NOP58: variants seen among roughly 807,000 people sequenced by gnomAD.
The protein encoded by NOP58 is nucleolar protein 58.
Under a neutral mutation model 71.2 loss-of-function variants are expected in NOP58, and 44 were observed. The observed-to-expected ratio is 0.62, with a 90% CI of 0.49 to 0.79. The LOEUF (loss-of-function observed/expected upper bound fraction) is 0.79. Among genes scored for constraint, NOP58 ranks in the 30% least tolerant of loss-of-function variants. The probability of loss-of-function intolerance (pLI) is 0.00; values close to 1 mark genes in which losing one functional copy is unlikely to be tolerated. For missense variants in NOP58, 538 were observed against 620.2 expected (o/e 0.87, Z 1.41); for synonymous variants, 228 against 200.3 (o/e 1.14, Z -1.17).
chr2:202,284,314 T>C (rs532780344), intron 4 of NOP58, 31 bp from the exon 5 acceptor site: 2 of 1,474,204 alleles, frequency 1.4e-6, no homozygotes, highest in Admixed American at 2.3e-5. Context: ...TTTTTTTTTT[T>C]AATTTAATAT....
intron 3 of NOP58, among the ~76,000 whole-genome samples, chr2:202,279,604 G>A (rs921612012): frequency 1.1e-4 from 17 of 152,168 alleles, no homozygotes; most frequent in Non-Finnish European, 1.5e-5. Context: ...AGATCAGCCT[G>A]GCCAACATGG....
rs1331090263 is a variant in NOP58, at chr2:202,297,420, T to C, written c.1113T>C (p.Arg371=). 6.2e-7 allele frequency: 1 copy of C among 1,613,932 alleles called. No homozygotes were observed. The highest frequency in any genetic ancestry group is 8.5e-7 in the Non-Finnish European group (1 of 1,179,950). Residue 371 remains arginine, a synonymous_variant, in exon 11 of 15, where the codon CGT becomes CGC. Transcript: ENST00000264279. Reference sequence around the variant, plus strand: ...CAGCCAAAACCGTTTTGGCTATCCGTTATGATGCTTTTGGTGAGGATTCAA... The same window carrying C: ...CAGCCAAAACCGTTTTGGCTATCCGCTATGATGCTTTTGGTGAGGATTCAA... ...MLAAKTVLAI[R]YDAFGEDSSS...
intron 2 of NOP58, chr2:202,276,510 A>G (rs1303415862): frequency 1.9e-6 from 1 of 513,856 alleles, no homozygotes; most frequent in South Asian, 1.4e-5. Context: ...CCACTGAGAC[A>G]ACGATGAATC....
At chr2:202,291,078 A>T (rs1275260069) in intron 7 of NOP58, 47 bp from the exon 8 acceptor site, 1 of 1,485,300 alleles carries the variant, frequency 6.7e-7, no homozygotes, top group East Asian at 2.4e-5. Context: ...ATTTTATATA[A>T]TTTGTTGAAG....
intron 8 of NOP58, 38 bp downstream of exon 8, chr2:202,291,308 C>G: frequency 3.3e-6 from 5 of 1,535,886 alleles, no homozygotes; most frequent in Non-Finnish European, 4.4e-6. Context: ...TGTGGTGTTA[C>G]CAGCTCTATA....
rs1054446 is a variant in NOP58 at position 202,303,450 on chromosome 2, C to A, written c.*14C>A. On this transcript the variant is annotated 3_prime_UTR_variant, in exon 15 of 15. Coordinates refer to ENST00000264279, the MANE Select transcript of NOP58 (RefSeq NM_015934.5). ...AACGAGGATTAACAGAAAGGAATTA[C>A]GATTATATCACCCGGACACACATCA... The A allele has an allele frequency of 1.3e-4, 214 of 1,605,200 alleles. No individual in the cohort carries two copies. Among genetic ancestry groups the A allele is most frequent in the Non-Finnish European group, 1.7e-4 (194 of 1,175,640 alleles).
At chr2:202,288,494 A>G (rs1688829979) in intron 6 of NOP58, among the ~76,000 whole-genome samples, 1 of 151,784 alleles carries the variant, frequency 6.6e-6, no homozygotes, top group South Asian at 2.1e-4. Context: ...CTAAAAAAAA[A>G]AAAAAAAAAT....
rs1285695031 is a variant in NOP58 at position 202,302,200 on chromosome 2, G to T, written c.1403-721G>T. 4.7e-5 allele frequency among the ~76,000 whole-genome samples: 7 copies of T among 147,632 alleles called. No homozygotes were observed. In the East Asian group the frequency reaches 1.4e-3, roughly 30 times the overall value. ...CCTCCTGGGTTCAAGCAATTCTCGTGCTTCAGCCTCCTGAATAACTGGGAT... is the reference window on the plus strand; with the variant it reads ...CCTCCTGGGTTCAAGCAATTCTCGTTCTTCAGCCTCCTGAATAACTGGGAT... On this transcript the variant is annotated intron_variant, in intron 13 of 14. Transcript: ENST00000264279.
chr2:202,277,827 G>A, intron 2 of NOP58, 123 bp from the exon 3 acceptor site: 1 of 653,094 alleles, frequency 1.5e-6, no homozygotes, highest in South Asian at 1.9e-5. Flanking sequence ...GATACACAAT[G>A]GTAGGCATGT....
chr2:202,300,429 T>A, intron 13 of NOP58, 62 bp downstream of exon 13: 1 of 1,413,098 alleles, frequency 7.1e-7, no homozygotes, highest in Admixed American at 2.5e-5. Flanking sequence ...GTGGATTTTG[T>A]GAGTCTTAAA....
intron 3 of NOP58, 39 bp downstream of exon 3, chr2:202,278,041 T>G (rs897263334): frequency 8.0e-7 from 1 of 1,256,004 alleles, no homozygotes; most frequent in African/African-American, 1.5e-5. Context: ...TTTGAAAAAA[T>G]TAAGTCTTAG....
At chr2:202,300,465 A>G (rs1430969514) in intron 13 of NOP58, 98 bp downstream of exon 13, 4 of 944,944 alleles carry the variant, frequency 4.2e-6, no homozygotes, top group East Asian at 2.6e-5. Context: ...ACTTTATTAT[A>G]AAACTGCTCA....
At chr2:202,272,511 T>C (rs1688527878) in intron 1 of NOP58, among the ~76,000 whole-genome samples, 1 of 152,160 alleles carries the variant, frequency 6.6e-6, no homozygotes, top group Non-Finnish European at 1.5e-5. Flanking sequence ...TAACCCAAAC[T>C]AGAAAAACTT....
chr2:202,296,370 A>ATT (rs1559266773), intron 10 of NOP58, among the ~76,000 whole-genome samples: 1 of 152,020 alleles, frequency 6.6e-6, no homozygotes, highest in Non-Finnish European at 1.5e-5. Context: ...CGCCCGGCTA[A>ATT]TTTTTGTATT....
chr2:202,282,496 A>ATG (rs1688722244), intron 4 of NOP58, 24 bp downstream of exon 4: 1 of 1,600,546 alleles, frequency 6.2e-7, no homozygotes, highest in Admixed American at 1.8e-5. Context: ...ATTTTTGGTC[A>ATG]TGCCTGCTAG....
chr2:202,273,082 G>A (rs1454628978), intron 1 of NOP58, among the ~76,000 whole-genome samples: 1 of 152,186 alleles, frequency 6.6e-6, no homozygotes, highest in Non-Finnish European at 1.5e-5. Flanking sequence ...CCGAGATCCT[G>A]CCATTGCACT....
chr2:202,287,493 T>C (rs577223163), intron 5 of NOP58, among the ~76,000 whole-genome samples, 167 bp from the exon 6 acceptor site: 5 of 152,170 alleles, frequency 3.3e-5, no homozygotes, highest in Admixed American at 1.3e-4. Flanking sequence ...TCTGTTCTCG[T>C]ATGGTGCATT....
rs928140971 is a variant in NOP58, at chr2:202,291,450, C to T, written c.780+180C>T. On this transcript the variant is annotated intron_variant, in intron 8 of 14. Transcript: ENST00000264279. The stretch of plus-strand genomic sequence containing the variant: ...TTTGTATACTTAAAAGGGGGAAATA[C>T]ATATTAAAAGGAAGTAATTTACAAT... 26 of 429,790 alleles carry T rather than the reference C, an allele frequency of 6.0e-5. No homozygotes were observed. The East Asian group carries it at 9.3e-4, about 15-fold the overall frequency. The allele number at this position is 429,790 out of a possible 1,614,324, so 26.6% of individuals were successfully genotyped here. A position where few individuals can be genotyped will look rare whatever the true frequency, so the allele number is the denominator to read the frequency against.
In NOP58 at chr2:202,284,429, C is replaced by A. The variant is rs1688757519; in HGVS notation, c.382C>A (p.Pro128Thr). The change falls in exon 5 of 15, where the codon CCT (proline) becomes ACT (threonine). Residue 128 changes from proline to threonine, a missense_variant. Pro to Thr is a conservative substitution (Grantham distance 38). Transcript: ENST00000264279. ...GIRSQMDGLIPGVEPREMAAM... is the reference protein window; with the variant it reads ...GIRSQMDGLITGVEPREMAAM... The stretch of plus-strand genomic sequence containing the variant: ...TCGTTCACAAATGGATGGATTAATC[C>A]CTGGGGTAGAACCACGTGAAATGGC... 6.2e-7 allele frequency: 1 copy of A among 1,613,656 alleles called. No individual in the cohort carries two copies. The highest frequency in any genetic ancestry group is 8.5e-7 in the Non-Finnish European group (1 of 1,179,920).
Sources: allele counts gnomAD v4.1 joint callset (sites outside exome capture counted in the v4.1 genomes callset), GRCh38; gene constraint gnomAD v4.1.1; transcripts MANE v1.5; gene names NCBI Gene and HGNC (gene_info 2026-07-23, HGNC 2026-07-21).